MYO7B: variants seen among roughly 807,000 people sequenced by gnomAD.
MYO7B encodes unconventional myosin-VIIb.
Under a neutral mutation model 259.7 loss-of-function variants are expected in MYO7B, and 212 were observed. The ratio of observed to expected loss-of-function variants is 0.82; its 90% CI spans 0.73 to 0.91. The LOEUF (loss-of-function observed/expected upper bound fraction) is 0.91. MYO7B is among the 40% of genes least tolerant of loss of function. The pLI, the probability that MYO7B is intolerant of heterozygous loss-of-function variation, is 0.00. For synonymous variants in MYO7B, 1,197 were observed against 1,166.4 expected (o/e 1.03, Z -0.54); for missense variants, 2,732 against 2,813.5 (o/e 0.97, Z 0.66).
At chr2:127,621,627 A>G (rs926756979) in intron 27 of MYO7B, among the ~76,000 whole-genome samples, 7 of 152,148 alleles carry the variant, frequency 4.6e-5, no homozygotes, top group African/African-American at 7.2e-5. Context: ...TGCCAGCTTG[A>G]TGCCTCGCTG....
At chr2:127,572,244 C>A (rs1678666389) in intron 6 of MYO7B, among the ~76,000 whole-genome samples, 1 of 152,172 alleles carries the variant, frequency 6.6e-6, no homozygotes, top group African/African-American at 2.4e-5. Flanking sequence ...CATGGGGAAA[C>A]CCCATCTCTA....
Position 127,633,304 on chromosome 2 carries a change from G to A in MYO7B, c.5452G>A (p.Ala1818Thr), listed in dbSNP as rs372050866. 177 of 1,612,632 alleles carry A rather than the reference G, an allele frequency of 1.1e-4. 2 individuals are homozygous for A. Among genetic ancestry groups the A allele is most frequent in the Non-Finnish European group, 1.3e-4 (157 of 1,179,722 alleles). ...CCCGCACCAGGTGGAGGTGGAGGCC[G>A]CAGAGCAGAACGTCTCCCGCATCTG... The part of the protein sequence containing the change: ...QPPHQVEVEA[A>T]EQNVSRICHK... Residue 1818 changes from alanine (A) to threonine (T), a missense_variant, in exon 40 of 48, where the codon GCA becomes ACA. Ala to Thr is a moderately conservative substitution (Grantham distance 58). Coordinates refer to ENST00000409816, the MANE Select transcript of MYO7B (RefSeq NM_001393586.1).
Position 127,535,770 on chromosome 2 carries a change from G to A in MYO7B, c.-85G>A, listed in dbSNP as rs74766595. ...AGTCCCAACATTGCCTCCTTTCCTG[G>A]CTCTTTCAGGGTGCCCAGGGTGGAG... is the stretch of plus-strand genomic sequence containing the variant. On this transcript the variant is annotated 5_prime_UTR_variant, in exon 1 of 48. Transcript: ENST00000409816. The surrounding 1 kb of genome is among the most constrained non-coding windows in gnomAD (Gnocchi z 4.8). The A allele has an allele frequency of 0.01, 1,533 of 152,324 alleles. 31 individuals carry two copies. Among genetic ancestry groups the A allele is most frequent in the African/African-American group, 0.035 (1,458 of 41,532 alleles). 9.4% of individuals were successfully genotyped at this position (152,324 alleles called of 1,614,324 possible).
chr2:127,622,720 A>C (rs1485156180), intron 28 of MYO7B, among the ~76,000 whole-genome samples: 3 of 152,140 alleles, frequency 2.0e-5, no homozygotes, highest in African/African-American at 7.2e-5. Context: ...CCCCGAGCCC[A>C]CAGGGGCTCC....
chr2:127,547,385 A>T (rs1343342989), intron 1 of MYO7B, among the ~76,000 whole-genome samples: 1 of 152,206 alleles, frequency 6.6e-6, no homozygotes, highest in African/African-American at 2.4e-5. Flanking sequence ...ACATGCATGC[A>T]TGTATGGTAA....
chr2:127,581,636 A>T (rs4662738), intron 10 of MYO7B, among the ~76,000 whole-genome samples: 2 of 152,004 alleles, frequency 1.3e-5, no homozygotes, highest in African/African-American at 2.4e-5. Context: ...CCTCACCCTC[A>T]TTTTCCAAGG....
chr2:127,593,031 G>T (rs971080409), intron 17 of MYO7B, 85 bp downstream of exon 17: 9 of 1,495,366 alleles, frequency 6.0e-6, no homozygotes, highest in Non-Finnish European at 8.1e-6. Flanking sequence ...GTACCGAGGG[G>T]GTCTCCCGCT....
Position 127,613,345 on chromosome 2 carries a change from A to T in MYO7B, c.3398+742A>T, listed in dbSNP as rs1680459391. 1.3e-5 allele frequency among the ~76,000 whole-genome samples: 2 copies of T among 152,106 alleles called. No individual in the cohort carries two copies. Among genetic ancestry groups the T allele is most frequent in the African/African-American group, 4.8e-5 (2 of 41,402 alleles). ...AATTTACTGATCTTTTGTCTTCCCT[A>T]GTCTGCTGTCATATCCATCCAACAA... On this transcript the variant is annotated intron_variant, in intron 26 of 47. Transcript: ENST00000409816. The surrounding 1 kb of genome is among the most constrained non-coding windows in gnomAD (Gnocchi z 4.3).
chr2:127,606,356 T>C lies in MYO7B; in HGVS notation c.2424+428T>C, dbSNP rs137903722. On this transcript the variant is annotated intron_variant, in intron 20 of 47. Transcript: ENST00000409816. ...TCAAAGGAATGAACTAGAGCAACCA[T>C]GGCTGTGCCTGTGTCACTTGGCCAC... 9.8e-4 allele frequency among the ~76,000 whole-genome samples: 150 copies of C among 152,372 alleles called. 4 individuals are homozygous for C. In the East Asian group the frequency reaches 0.027, roughly 28 times the overall value.
chr2:127,636,260 A>AG lies in MYO7B; in HGVS notation c.6061dup (p.Val2021GlyfsTer92). On this transcript the variant is annotated frameshift_variant, in exon 45 of 48. Coordinates refer to ENST00000409816, the MANE Select transcript of MYO7B (RefSeq NM_001393586.1). LOFTEE classifies it high-confidence loss of function. The surrounding 1 kb of genome is among the most constrained non-coding windows in gnomAD (Gnocchi z 4.5). Reference sequence around the variant, plus strand: ...AAGGACAAGACAGTGGAGGAGGCCAAGGTGGCCTTCCTGAAGTGGATCTGC... The same window carrying AG: ...AAGGACAAGACAGTGGAGGAGGCCAAGGGTGGCCTTCCTGAAGTGGATCTGC... The AG allele has an allele frequency of 6.2e-7, 1 of 1,613,654 alleles. No individual in the cohort carries two copies. The highest frequency in any genetic ancestry group is 8.5e-7 in the Non-Finnish European group (1 of 1,179,828).
intron 28 of MYO7B, 116 bp downstream of exon 28, chr2:127,622,217 G>A (rs991077785): frequency 2.9e-5 from 39 of 1,363,988 alleles, no homozygotes; most frequent in Admixed American, 1.4e-4. Context: ...TCTGAGCCCC[G>A]CCATCTCCTC....
chr2:127,540,889 A>G (rs147012930), intron 1 of MYO7B, among the ~76,000 whole-genome samples: 36 of 152,198 alleles, frequency 2.4e-4, no homozygotes, highest in African/African-American at 7.5e-4. Flanking sequence ...CTGTCTCTCT[A>G]ATGAAGAATA....
intron 26 of MYO7B, among the ~76,000 whole-genome samples, chr2:127,617,284 C>G (rs985740169): frequency 2.6e-5 from 4 of 152,144 alleles, no homozygotes; most frequent in Non-Finnish European, 5.9e-5. Context: ...TCGATAGGTG[C>G]TGTAGGTGGG....
chr2:127,598,350 G>A (rs1035049597), intron 19 of MYO7B, among the ~76,000 whole-genome samples: 3 of 152,168 alleles, frequency 2.0e-5, no homozygotes, highest in Non-Finnish European at 4.4e-5. Context: ...ACCATTTCCC[G>A]ATGTGGAACA....
intron 19 of MYO7B, among the ~76,000 whole-genome samples, chr2:127,598,415 T>C (rs1324144982): frequency 6.6e-6 from 1 of 152,224 alleles, no homozygotes; most frequent in African/African-American, 2.4e-5. Context: ...TGTCTGTGCA[T>C]GTTGCTTGCC....
chr2:127,557,250 C>T (rs548145576), intron 1 of MYO7B, among the ~76,000 whole-genome samples: 6 of 152,090 alleles, frequency 3.9e-5, no homozygotes, highest in Non-Finnish European at 7.4e-5. Flanking sequence ...CCTGAAGTTG[C>T]AATTGTTTTT....
chr2:127,591,761 C>G (rs1277862538), intron 16 of MYO7B, among the ~76,000 whole-genome samples: 1 of 152,172 alleles, frequency 6.6e-6, no homozygotes, highest in African/African-American at 2.4e-5. Context: ...GAGGGGCTCT[C>G]TAGAATCCAA....
At chr2:127,580,044 G>A (rs1023795395) in intron 9 of MYO7B, among the ~76,000 whole-genome samples, 4 of 152,194 alleles carry the variant, frequency 2.6e-5, no homozygotes, top group African/African-American at 9.7e-5. Context: ...GTGGGTGCTG[G>A]CAGATCCTAG....
chr2:127,634,359 G>C, intron 41 of MYO7B, 70 bp downstream of exon 41: 2 of 1,224,398 alleles, frequency 1.6e-6, no homozygotes, highest in Middle Eastern at 2.4e-4. Flanking sequence ...TGCTGCCTGT[G>C]GGGGCCTCAG....
Sources: gnomAD v4.1 joint callset for allele counts (sites outside exome capture counted in the v4.1 genomes callset) on GRCh38, gnomAD v4.1.1 for gene constraint, Gnocchi (gnomAD v3.1) non-coding constraint, MANE v1.5 for transcripts, NCBI Gene and HGNC (gene_info 2026-07-23, HGNC 2026-07-21) for gene names.